NID1: variants seen among roughly 807,000 people sequenced by gnomAD.
NID1 encodes the protein nidogen 1.
In NID1, 76 loss-of-function variants were observed where a neutral mutation model predicts 130.6. That is an observed-to-expected ratio of 0.58 (90% confidence interval 0.48 to 0.70). The LOEUF (loss-of-function observed/expected upper bound fraction) is 0.70. NID1 is among the 30% of genes least tolerant of loss of function. The pLI, the probability that NID1 is intolerant of heterozygous loss-of-function variation, is 0.00. For missense variants in NID1, 1,517 were observed against 1,664.8 expected (o/e 0.91, Z 1.54); for synonymous variants, 665 against 675.1 (o/e 0.98, Z 0.23).
intron 9 of NID1, among the ~76,000 whole-genome samples, chr1:236,019,911 C>T (rs1294583986): frequency 6.6e-6 from 1 of 151,850 alleles, no homozygotes; most frequent in Non-Finnish European, 1.5e-5. Context: ...GCAGCATGTG[C>T]CTGTAATTCC....
chr1:236,028,119 G>A, intron 7 of NID1, among the ~76,000 whole-genome samples: 1 of 152,158 alleles, frequency 6.6e-6, no homozygotes, highest in Non-Finnish European at 1.5e-5. Context: ...AGGAGAAAAT[G>A]GAAGCAACCC....
rs560210784 is a variant in NID1 at position 236,050,184 on chromosome 1, T to C, written c.226-1195A>G. 2.0e-5 allele frequency among the ~76,000 whole-genome samples: 3 copies of C among 152,320 alleles called. No homozygotes were observed. In the East Asian group the frequency reaches 5.8e-4, roughly 29 times the overall value. On this transcript the variant is annotated intron_variant, in intron 1 of 19. Transcript: ENST00000264187. ...GAACCCACGGAGTCCGACTCCAAAA[T>C]TGGTCCTTTTCCAAAATCAGTCCTT...
At chr1:236,054,285 G>C (rs1306323277) in intron 1 of NID1, among the ~76,000 whole-genome samples, 1 of 152,140 alleles carries the variant, frequency 6.6e-6, no homozygotes, top group African/African-American at 2.4e-5. Flanking sequence ...GTGAAACCCT[G>C]TGTCTACTAA....
At position 236,017,270 on chromosome 1, in the gene NID1, A is replaced by G. The variant is rs781624492; in HGVS notation, c.2132T>C (p.Ile711Thr). 3.5e-5 allele frequency: 57 copies of G among 1,613,828 alleles called. No individual in the cohort carries two copies. The highest frequency in any genetic ancestry group is 4.8e-5 in the Non-Finnish European group (57 of 1,179,902). ...FRGDGRTCYD[I>T]DECSEQPSVC... ...TGAGGGTTGTTCTGAACATTCATCA[A>G]TATCTGCAGCAAAAATTTTTTTTTA... is the stretch of plus-strand genomic sequence containing the variant. Residue 711 changes from isoleucine to threonine, a missense_variant, in exon 10 of 20, where the codon ATT (isoleucine) becomes ACT (threonine). Physicochemically the swap from Ile to Thr is moderately conservative, Grantham distance 89 (BLOSUM62 -1). Transcript: ENST00000264187.
intron 13 of NID1, 135 bp downstream of exon 13, chr1:235,993,510 G>A (rs892670634): frequency 9.0e-6 from 7 of 775,460 alleles, no homozygotes; most frequent in Non-Finnish European, 1.4e-5. Flanking sequence ...GGGTGCAGCA[G>A]GAGCGGGTGG....
chr1:236,023,003 G>GAGCC, intron 9 of NID1, among the ~76,000 whole-genome samples: 1 of 150,372 alleles, frequency 6.7e-6, no homozygotes, highest in East Asian at 2.0e-4. Context: ...AGGCTGCAGT[G>GAGCC]AGCCAAGATC....
At chr1:235,990,776 ACCCATGGTTCCAGGGGTTGAGCCT>A in intron 14 of NID1, 86 bp downstream of exon 14, 1 of 1,188,110 alleles carries the variant, frequency 8.4e-7, no homozygotes, top group Non-Finnish European at 1.2e-6. Flanking sequence ...TGGAATGAGC[ACCCATGGTTCCAGGGGTTGAGCCT>A]GGGGTTCTGG....
chr1:235,996,198 T>C (rs553349912), intron 12 of NID1, among the ~76,000 whole-genome samples: 3 of 152,198 alleles, frequency 2.0e-5, no homozygotes, highest in African/African-American at 7.2e-5. Context: ...AGTACCTACT[T>C]GACTGTGCTG....
At chr1:236,039,597 T>C (rs1201951298) in intron 4 of NID1, among the ~76,000 whole-genome samples, 1 of 152,202 alleles carries the variant, frequency 6.6e-6, no homozygotes. Flanking sequence ...AACTAGCTCA[T>C]TATATTTAAT....
At chr1:235,990,581 A>C (rs1558423079) in intron 14 of NID1, among the ~76,000 whole-genome samples, 1 of 152,236 alleles carries the variant, frequency 6.6e-6, no homozygotes, top group Non-Finnish European at 1.5e-5. Flanking sequence ...CACAAAATGC[A>C]TCTCTGAAGC....
intron 9 of NID1, among the ~76,000 whole-genome samples, chr1:236,021,627 T>A (rs1356145881): frequency 6.6e-6 from 1 of 152,118 alleles, no homozygotes; most frequent in Non-Finnish European, 1.5e-5. Context: ...GATTCTTATA[T>A]CTCTGTCAAG....
intron 1 of NID1, among the ~76,000 whole-genome samples, chr1:236,051,544 A>G (rs190302167): frequency 6.6e-4 from 101 of 152,196 alleles, no homozygotes; most frequent in African/African-American, 2.3e-3. Context: ...TGGGTGACAT[A>G]TTTTCCATCA....
chr1:235,989,069 C>CT (rs768952072), intron 14 of NID1, among the ~76,000 whole-genome samples: 4,611 of 115,796 alleles, frequency 0.04, 229 homozygotes, highest in African/African-American at 0.067. Context: ...AAATTATCTG[C>CT]TTTTTTTTTT....
At chr1:236,007,362 C>G (rs918846235) in intron 12 of NID1, among the ~76,000 whole-genome samples, 1 of 152,190 alleles carries the variant, frequency 6.6e-6, no homozygotes, top group African/African-American at 2.4e-5. Context: ...TACATTCCCT[C>G]AGATGTTGTC....
intron 1 of NID1, among the ~76,000 whole-genome samples, chr1:236,050,425 C>T (rs528293390): frequency 5.3e-4 from 80 of 151,902 alleles, no homozygotes; most frequent in African/African-American, 1.9e-3. Context: ...TGGTGGTGCA[C>T]GCCTATAATC....
intron 1 of NID1, among the ~76,000 whole-genome samples, chr1:236,052,992 T>A (rs1479871852): frequency 6.6e-6 from 1 of 152,242 alleles, no homozygotes; most frequent in Non-Finnish European, 1.5e-5. Flanking sequence ...ACCAATGAAT[T>A]ATACACCAAC....
At position 235,990,872 on chromosome 1, in the gene NID1, C is replaced by A. The variant is rs1056405526; in HGVS notation, c.2928+14G>T. 1.2e-6 allele frequency: 2 copies of A among 1,613,696 alleles called. No homozygotes were observed. Among genetic ancestry groups the A allele is most frequent in the East Asian group, 2.2e-5 (1 of 44,882 alleles). On this transcript the variant is annotated intron_variant, in intron 14 of 19. Transcript: ENST00000264187. ...AGCAGGAGCTGTCACCAGGTATAAT[C>A]AGCCAGCACTCACCGGGACATGAAG... is the stretch of plus-strand genomic sequence containing the variant.
chr1:236,012,512 C>T (rs978280855), intron 11 of NID1, among the ~76,000 whole-genome samples: 3 of 136,580 alleles, frequency 2.2e-5, no homozygotes, highest in East Asian at 2.3e-4. Context: ...GAGCCAAGAT[C>T]GTGCCATTGC....
chr1:236,022,316 C>T (rs962091130), intron 9 of NID1, among the ~76,000 whole-genome samples: 1 of 148,736 alleles, frequency 6.7e-6, no homozygotes, highest in African/African-American at 2.5e-5. Flanking sequence ...GAGAATGAAA[C>T]TCACACCCAT....
Sources: gnomAD v4.1 joint callset for allele counts (sites outside exome capture counted in the v4.1 genomes callset) on GRCh38, gnomAD v4.1.1 for gene constraint, MANE v1.5 for transcripts, NCBI Gene and HGNC (gene_info 2026-07-23, HGNC 2026-07-21) for gene names.